The following SMARCA4 variants were observed in gnomAD, a reference collection of about 807,000 sequenced individuals.
SMARCA4 encodes SWI/SNF-related matrix-associated actin-dependent regulator of chromatin subfamily A member 4.
SMARCA4 carries 31 observed loss-of-function variants against 193.9 expected under a neutral mutation model. That is an observed-to-expected ratio of 0.16 (90% CI 0.12 to 0.22). SMARCA4 has a LOEUF of 0.22. Among genes scored for constraint, SMARCA4 ranks in the 10% least tolerant of loss-of-function variants. The pLI, the probability that SMARCA4 is intolerant of heterozygous loss-of-function variation, is 1.00. For synonymous variants in SMARCA4, 942 were observed against 933.1 expected, an observed-to-expected ratio of 1.01 and a Z score of -0.17; for missense variants, 1,148 against 2,296.0, an observed-to-expected ratio of 0.50 and a Z score of 10.22.
In SMARCA4 at chr19:11,004,499, C is replaced by G. The variant is rs144704436; in HGVS notation, c.2001+1102C>G. ...CTGCTGACCTTAAGCGATCCACCCA[C>G]CTGGGCCTCCCAAAGTATTGGGATT... On this transcript the variant is annotated intron_variant, in intron 13 of 34. Transcript: ENST00000344626. 2.6e-5 allele frequency among the ~76,000 whole-genome samples: 4 copies of G among 152,330 alleles called. No individual in the cohort carries two copies. In the East Asian group the frequency reaches 5.8e-4, roughly 22 times the overall value.
chr19:11,051,985 C>T (rs370984324), intron 30 of SMARCA4, among the ~76,000 whole-genome samples: 70 of 152,116 alleles, frequency 4.6e-4, no homozygotes, highest in African/African-American at 1.4e-3. Context: ...ATCCCAGTTA[C>T]GAGGGAGGCT....
intron 9 of SMARCA4, among the ~76,000 whole-genome samples, chr19:10,995,735 G>T (rs570269594): frequency 6.6e-6 from 1 of 152,298 alleles, no homozygotes; most frequent in South Asian, 2.1e-4. Flanking sequence ...GCTTACAGGG[G>T]CAGGTGGGAG....
chr19:10,998,174 C>G (rs1430514677), intron 11 of SMARCA4, among the ~76,000 whole-genome samples: 1 of 152,188 alleles, frequency 6.6e-6, no homozygotes, highest in Non-Finnish European at 1.5e-5. Flanking sequence ...GCGTGAGCCA[C>G]CACGCTTGGC....
At position 11,034,092 on chromosome 19, in the gene SMARCA4, T is replaced by G. The variant is rs2146675838; in HGVS notation, c.3874-31T>G. ...GGCCGCCGCCCACCCCGGCCCCTCCTCAGCGGCACTGACAGTTTGCAATCT... is the reference window on the plus strand; with the variant it reads ...GGCCGCCGCCCACCCCGGCCCCTCCGCAGCGGCACTGACAGTTTGCAATCT... On this transcript the variant is annotated intron_variant, in intron 27 of 34. Coordinates refer to ENST00000344626, the MANE Select transcript of SMARCA4 (RefSeq NM_003072.5). The surrounding 1 kb of genome is among the most constrained non-coding windows in gnomAD (Gnocchi z 7.0). 6.3e-7 allele frequency: 1 copy of G among 1,588,070 alleles called. No individual in the cohort carries two copies. Among genetic ancestry groups the G allele is most frequent in the South Asian group, 1.1e-5 (1 of 90,556 alleles).
intron 9 of SMARCA4, chr19:10,995,608 G>C (rs1011133622): frequency 2.4e-6 from 1 of 416,730 alleles, no homozygotes; most frequent in East Asian, 7.1e-5. Flanking sequence ...AGAGACCCAG[G>C]GAAGGAGCCC....
At position 11,029,197 on chromosome 19, in the gene SMARCA4, C is replaced by T. The variant is rs1600348013; in HGVS notation, c.3382+1247C>T. Among the ~76,000 whole-genome samples the T allele has an allele frequency of 2.0e-5, 3 of 152,308 alleles. No individual in the cohort carries two copies. In the South Asian group the frequency reaches 6.2e-4, roughly 32 times the overall value. On this transcript the variant is annotated intron_variant, in intron 24 of 34. Coordinates refer to ENST00000344626, the MANE Select transcript of SMARCA4 (RefSeq NM_003072.5). ...TTCAGGGTCCTCATGGCCGGGCCAC[C>T]CCCCACCCTTTCCTCTCCTACGGTC...
rs973111928 is a variant in SMARCA4, at chr19:11,026,186, C to T, written c.3169-114C>T. The T allele has an allele frequency of 2.0e-5, 17 of 856,890 alleles. No individual in the cohort carries two copies. In the African/African-American group the frequency reaches 2.2e-4, roughly 11 times the overall value. 53.1% of individuals were successfully genotyped at this position (856,890 alleles called of 1,614,324 possible). A position where few individuals can be genotyped will look rare whatever the true frequency, so the allele number is the denominator to read the frequency against. On this transcript the variant is annotated intron_variant, in intron 22 of 34. Coordinates refer to ENST00000344626, the MANE Select transcript of SMARCA4 (RefSeq NM_003072.5). ...TCTCAGAGCCGCCGTGGGCCCGTGCCGAGCACACAGTGTGGGGGCTTTGTC... is the reference window on the plus strand; with the variant it reads ...TCTCAGAGCCGCCGTGGGCCCGTGCTGAGCACACAGTGTGGGGGCTTTGTC...
chr19:11,009,309 C>T (rs925163649), intron 14 of SMARCA4, among the ~76,000 whole-genome samples: 2 of 151,834 alleles, frequency 1.3e-5, no homozygotes, highest in African/African-American at 2.4e-5. Flanking sequence ...CGTGAGCCAC[C>T]GCACCTGGCC....
chr19:10,992,982 T>G (rs1034188635), intron 8 of SMARCA4, among the ~76,000 whole-genome samples: 1 of 149,932 alleles, frequency 6.7e-6, no homozygotes, highest in South Asian at 2.1e-4. Context: ...TCTAAAACTT[T>G]GCTTTTTTTT....
At chr19:11,047,986 T>G (rs1371393876) in intron 30 of SMARCA4, among the ~76,000 whole-genome samples, 1 of 152,154 alleles carries the variant, frequency 6.6e-6, no homozygotes. Context: ...TGCCCATCAT[T>G]GTCTAGAAGT....
chr19:10,985,531 G>C lies in SMARCA4; in HGVS notation c.355+126G>C. 2 of 1,173,200 alleles carry C rather than the reference G, an allele frequency of 1.7e-6. No homozygotes were observed. Among genetic ancestry groups the C allele is most frequent in the South Asian group, 1.3e-5 (1 of 74,384 alleles). The allele number at this position is 1,173,200 out of a possible 1,614,324, so 72.7% of individuals were successfully genotyped here. A position where few individuals can be genotyped will look rare whatever the true frequency, so the allele number is the denominator to read the frequency against. ...CTAGGATGATGTAGCCGGGTGGGTGGCCCGCCACAGAGAGCTGTCTGGCAT... is the reference window on the plus strand; with the variant it reads ...CTAGGATGATGTAGCCGGGTGGGTGCCCCGCCACAGAGAGCTGTCTGGCAT... On this transcript the variant is annotated intron_variant, in intron 3 of 34. Coordinates refer to ENST00000344626, the MANE Select transcript of SMARCA4 (RefSeq NM_003072.5). The surrounding 1 kb of genome is among the most constrained non-coding windows in gnomAD (Gnocchi z 4.5).
rs1175779066 is a variant in SMARCA4 at position 11,033,728 on chromosome 19, T to A, written c.3775-39T>A. ...AAACTGCTGGTGAAAGACGCCGGAT[T>A]GACAGCCCTGGAGACTGAAGTCCTC... is the stretch of plus-strand genomic sequence containing the variant. On this transcript the variant is annotated intron_variant, in intron 26 of 34. Coordinates refer to ENST00000344626, the MANE Select transcript of SMARCA4 (RefSeq NM_003072.5). The surrounding 1 kb of genome is among the most constrained non-coding windows in gnomAD (Gnocchi z 9.8). 2.6e-6 allele frequency: 2 copies of A among 780,282 alleles called. No individual in the cohort carries two copies. The highest frequency in any genetic ancestry group is 4.8e-6 in the Non-Finnish European group (2 of 418,778). The allele number at this position is 780,282 out of a possible 1,614,324, so 48.3% of individuals were successfully genotyped here.
At chr19:11,023,459 G>A (rs763580203) in intron 19 of SMARCA4, 59 bp from the exon 20 acceptor site, 17 of 1,091,142 alleles carry the variant, frequency 1.6e-5, no homozygotes, top group Non-Finnish European at 2.4e-5. Context: ...CTTCTAGTGA[G>A]ACCTCTGTCG....
intron 15 of SMARCA4, 111 bp from the exon 16 acceptor site, chr19:11,012,838 G>A: frequency 1.1e-6 from 1 of 950,312 alleles, no homozygotes; most frequent in Admixed American, 1.9e-5. Context: ...AGGGTGGGAT[G>A]TGGCTTAGGC....
chr19:10,975,774 G>A (rs1412794193), intron 1 of SMARCA4, among the ~76,000 whole-genome samples: 3 of 152,186 alleles, frequency 2.0e-5, no homozygotes, highest in African/African-American at 7.2e-5. Context: ...TTTTAACTGA[G>A]TGTTTTACAT....
intron 20 of SMARCA4, 120 bp downstream of exon 20, chr19:11,023,751 G>C: frequency 2.8e-6 from 2 of 725,620 alleles, no homozygotes; most frequent in Non-Finnish European, 5.0e-6. Context: ...AATCCAGCTT[G>C]GGGGTGGCGA....
intron 1 of SMARCA4, among the ~76,000 whole-genome samples, chr19:10,965,703 T>C (rs1242885555): frequency 6.6e-6 from 1 of 152,214 alleles, no homozygotes; most frequent in African/African-American, 2.4e-5. Flanking sequence ...CTGTACAGCA[T>C]GTCACTGTAC....
intron 1 of SMARCA4, among the ~76,000 whole-genome samples, chr19:10,976,532 G>C (rs2085141191): frequency 6.6e-6 from 1 of 152,136 alleles, no homozygotes; most frequent in African/African-American, 2.4e-5. Context: ...GAGGTGGGCG[G>C]ATCACTTGAG....
At position 10,996,350 on chromosome 19, in the gene SMARCA4, C is replaced by CAAGGAGAAA; in HGVS notation, c.1735_1743dup (p.Glu579_Lys581dup). The CAAGGAGAAA allele has an allele frequency of 6.2e-7, 1 of 1,614,154 alleles. No homozygotes were observed. The highest frequency in any genetic ancestry group is 1.3e-5 in the African/African-American group (1 of 75,032). On this transcript the variant is annotated inframe_insertion, in exon 10 of 35. Coordinates refer to ENST00000344626, the MANE Select transcript of SMARCA4 (RefSeq NM_003072.5). Reference sequence around the variant, plus strand: ...GGCAGCACAAGGCTGCCCAGGTCGCCAAGGAGAAAAAGAAGAAAAAGAAAA... The same window carrying CAAGGAGAAA: ...GGCAGCACAAGGCTGCCCAGGTCGCCAAGGAGAAAAAGGAGAAAAAGAAGAAAAAGAAAA...
Sources: allele counts gnomAD v4.1 joint callset (sites outside exome capture counted in the v4.1 genomes callset), GRCh38; gene constraint gnomAD v4.1.1; non-coding constraint Gnocchi (gnomAD v3.1); transcripts MANE v1.5; gene names NCBI Gene and HGNC (gene_info 2026-07-23, HGNC 2026-07-21).